ART3: variants seen among roughly 807,000 people sequenced by gnomAD.
ART3 encodes ecto-ADP-ribosyltransferase 3.
A neutral mutation model predicts 48.5 loss-of-function variants in ART3; 49 were observed. The observed-to-expected ratio is 1.01, with a 90% CI of 0.80 to 1.28. ART3 has a LOEUF of 1.28. Among genes scored for constraint, ART3 ranks in the 50% most tolerant of loss-of-function variants. ART3 has a pLI of 0.00. For missense variants in ART3, 438 were observed against 454.3 expected, an observed-to-expected ratio of 0.96 and a Z score of 0.33; for synonymous variants, 145 against 157.2, an observed-to-expected ratio of 0.92 and a Z score of 0.58.
At chr4:76,071,290 A>G (rs1039761505), upstream of ART3, among the ~76,000 whole-genome samples, 12 of 149,040 alleles carry the variant, frequency 8.1e-5, no homozygotes, top group African/African-American at 2.8e-4. Context: ...GTGAGCCGAG[A>G]TAGGGAGGCG....
chr4:76,097,721 A>G (rs183924081), intron 4 of ART3, 45 bp downstream of exon 4: 1,071 of 1,493,748 alleles, frequency 7.2e-4, no homozygotes, highest in Non-Finnish European at 9.1e-4. Flanking sequence ...GAATTTTATC[A>G]GTTACTTCTC....
intron 1 of ART3, among the ~76,000 whole-genome samples, chr4:76,016,879 C>T (rs1732316339): frequency 6.6e-6 from 1 of 152,214 alleles, no homozygotes; most frequent in Admixed American, 6.5e-5. Flanking sequence ...GATGTACAGA[C>T]AGGCTACCTA....
At chr4:76,011,350 C>T (rs569625190) in intron 1 of ART3, 6 of 152,768 alleles carry the variant, frequency 3.9e-5, no homozygotes, top group African/African-American at 1.4e-4. Flanking sequence ...GATCTCTCCT[C>T]TCTGTCCCCT....
At chr4:76,014,257 G>A (rs1031379946) in intron 1 of ART3, among the ~76,000 whole-genome samples, 4 of 151,902 alleles carry the variant, frequency 2.6e-5, no homozygotes, top group African/African-American at 9.7e-5. Context: ...TAAATCAGCT[G>A]TCTTAAATAT....
Position 76,081,947 on chromosome 4 carries a change from C to A in ART3, c.193C>A (p.Gln65Lys), listed in dbSNP as rs1409462062. The A allele has an allele frequency of 6.2e-7, 1 of 1,614,014 alleles. No homozygotes were observed. The highest frequency in any genetic ancestry group is 1.3e-5 in the African/African-American group (1 of 74,904). Residue 65 changes from glutamine (Q) to lysine (K), a missense_variant, in exon 3 of 12, where the codon CAA (glutamine) becomes AAA (lysine). This residue lies in a region of ART3 where 206 missense variants were observed against 205.3 expected (regional missense o/e 1.00). Transcript: ENST00000355810. ...LLKEEKASHQ[Q>K]LDTVWENAKA... Reference sequence around the variant, plus strand: ...AAAGGAGGAAAAAGCAAGCCACCAGCAATTAGATACTGTGTGGGAAAATGC... The same window carrying A: ...AAAGGAGGAAAAAGCAAGCCACCAGAAATTAGATACTGTGTGGGAAAATGC...
intron 1 of ART3, among the ~76,000 whole-genome samples, chr4:76,028,152 A>G (rs938526317): frequency 1.4e-5 from 2 of 143,152 alleles, no homozygotes; most frequent in African/African-American, 5.3e-5. Context: ...GACAAATGTG[A>G]TCAACATGGA....
chr4:76,097,926 G>C (rs982203145), intron 4 of ART3, among the ~76,000 whole-genome samples: 12 of 152,112 alleles, frequency 7.9e-5, no homozygotes, highest in Admixed American at 6.5e-5. Context: ...CACTGCATTG[G>C]CCTGGGCATG....
chr4:76,107,694 T>A, intron 10 of ART3, 67 bp from the exon 11 acceptor site: 1 of 1,147,310 alleles, frequency 8.7e-7, no homozygotes, highest in Non-Finnish European at 1.3e-6. Context: ...TAATTTTTAA[T>A]CAGATCTTTC....
intron 1 of ART3, among the ~76,000 whole-genome samples, chr4:76,043,536 G>A (rs1735192302): frequency 2.0e-5 from 3 of 152,158 alleles, no homozygotes; most frequent in African/African-American, 7.2e-5. Flanking sequence ...TGGGTGCTAA[G>A]CCCCTCATTG....
chr4:76,095,522 A>G (rs1195897904), intron 3 of ART3, among the ~76,000 whole-genome samples: 1 of 152,142 alleles, frequency 6.6e-6, no homozygotes, highest in Admixed American at 6.5e-5. Flanking sequence ...AGAAAAAATA[A>G]TAATAAATAA....
rs767677771 is a variant in ART3 at position 76,082,521 on chromosome 4, GT to G, written c.768del (p.Cys256TrpfsTer4). 8.4e-5 allele frequency: 133 copies of G among 1,582,534 alleles called. 2 individuals carry two copies. The South Asian group carries it at 1.5e-3, about 18-fold the overall frequency. On this transcript the variant is annotated frameshift_variant, in exon 3 of 12. Transcript: ENST00000355810. LOFTEE classifies it high-confidence loss of function. ...SINKTCSHYE[C>X]AFLGGLKTEN... is the part of the protein sequence containing the mutation. ...AACAAGACCTGCAGCCATTATGAGT[GT>G]GCATTTCTAGGTGGTAAGTGTCTGC... is the stretch of plus-strand genomic sequence containing the variant.
At chr4:76,086,264 G>A (rs111329309) in intron 3 of ART3, among the ~76,000 whole-genome samples, 3 of 151,952 alleles carry the variant, frequency 2.0e-5, no homozygotes, top group African/African-American at 7.3e-5. Flanking sequence ...AGGAAAATGA[G>A]GTATATATAC....
intron 1 of ART3, among the ~76,000 whole-genome samples, chr4:76,046,847 A>G (rs1015727401): frequency 2.6e-5 from 4 of 152,086 alleles, no homozygotes; most frequent in Admixed American, 6.6e-5. Context: ...AGGCTGTCCC[A>G]GGATTCCTCG....
chr4:76,069,314 A>G (rs547879972), intron 1 of ART3, among the ~76,000 whole-genome samples: 8 of 100,244 alleles, frequency 8.0e-5, no homozygotes, highest in Admixed American at 4.2e-4. Flanking sequence ...TAAAAAAATC[A>G]ATAATCTACT....
At chr4:76,021,247 G>A (rs1191183998) in intron 1 of ART3, 3 of 152,226 alleles carry the variant, frequency 2.0e-5, no homozygotes, top group Admixed American at 6.5e-5. Flanking sequence ...AACATGCAGA[G>A]CATATATCTA....
chr4:76,048,423 A>G (rs895107523), intron 1 of ART3, among the ~76,000 whole-genome samples: 3 of 151,806 alleles, frequency 2.0e-5, no homozygotes, highest in Non-Finnish European at 2.9e-5. Flanking sequence ...ATTGGTCCCA[A>G]TGGCTTAGGA....
At chr4:76,106,013 C>T (rs1728389007) in intron 10 of ART3, 1 of 985,268 alleles carries the variant, frequency 1.0e-6, no homozygotes, top group Non-Finnish European at 1.2e-6. Context: ...GTGCCCTCTC[C>T]TGGAAAGCTA....
In ART3 at chr4:76,112,653, T is replaced by C. The variant is rs1019086779; in HGVS notation, c.*134T>C. The C allele has an allele frequency of 1.7e-5, 19 of 1,091,642 alleles. No homozygotes were observed. The highest frequency in any genetic ancestry group is 1.4e-5 in the Non-Finnish European group (11 of 810,754). 67.6% of individuals were successfully genotyped at this position (1,091,642 alleles called of 1,614,324 possible). On this transcript the variant is annotated 3_prime_UTR_variant, in exon 12 of 12. Coordinates refer to ENST00000355810, the MANE Select transcript of ART3 (RefSeq NM_001130016.3). ...TAAAATGAGAATTGTATATTTGTTATTCATTTTGCAAATTCAGAAAGTTGG... is the reference window on the plus strand; with the variant it reads ...TAAAATGAGAATTGTATATTTGTTACTCATTTTGCAAATTCAGAAAGTTGG...
At chr4:76,089,246 T>A (rs779964940) in intron 3 of ART3, among the ~76,000 whole-genome samples, 1 of 152,178 alleles carries the variant, frequency 6.6e-6, no homozygotes, top group Non-Finnish European at 1.5e-5. Flanking sequence ...GCGACAACAA[T>A]TGCTAAAAAG....
Sources: allele counts gnomAD v4.1 joint callset (sites outside exome capture counted in the v4.1 genomes callset), GRCh38; gene constraint gnomAD v4.1.1; regional missense constraint gnomAD v4.1.1; transcripts MANE v1.5; gene names NCBI Gene and HGNC (gene_info 2026-07-23, HGNC 2026-07-21).